Variants in SHISA9 observed in about 807,000 individuals in gnomAD.
The protein encoded by SHISA9 is protein shisa-9.
SHISA9 carries 13 observed loss-of-function variants against 38.0 expected under a neutral mutation model. The observed-to-expected ratio is 0.34, with a 90% confidence interval of 0.22 to 0.54. SHISA9 has a LOEUF of 0.54. Among genes scored for constraint, SHISA9 ranks in the 20% least tolerant of loss-of-function variants. The pLI is 0.91. For missense variants in SHISA9, 538 were observed against 575.8 expected, an observed-to-expected ratio of 0.93 and a Z score of 0.67; for synonymous variants, 275 against 242.0, an observed-to-expected ratio of 1.14 and a Z score of -1.27.
chr16:13,002,851 G>A (rs921534258), intron 2 of SHISA9, among the ~76,000 whole-genome samples: 6 of 152,084 alleles, frequency 3.9e-5, no homozygotes, highest in South Asian at 4.1e-4. Context: ...TCTTCATGGC[G>A]CTTGCTGGAG....
chr16:12,981,872 G>A (rs931172218), intron 2 of SHISA9, among the ~76,000 whole-genome samples: 8 of 152,192 alleles, frequency 5.3e-5, no homozygotes, highest in Admixed American at 1.3e-4. Flanking sequence ...AGATAATGGA[G>A]AAAAGGTGGC....
intron 2 of SHISA9, among the ~76,000 whole-genome samples, chr16:13,049,447 G>C (rs907314326): frequency 2.6e-5 from 4 of 152,058 alleles, no homozygotes; most frequent in South Asian, 2.1e-4. Context: ...GTTTGAAATG[G>C]GGATTCATCA....
the SHISA9 span, among the ~76,000 whole-genome samples, chr16:13,290,773 T>G: frequency 6.6e-6 from 1 of 152,098 alleles, no homozygotes; most frequent in African/African-American, 2.4e-5. Context: ...AATCAGAGAC[T>G]CTTAGAACTG....
At chr16:13,152,586 T>C (rs2050508979) in intron 2 of SHISA9, among the ~76,000 whole-genome samples, 1 of 152,204 alleles carries the variant, frequency 6.6e-6, no homozygotes, top group African/African-American at 2.4e-5. Flanking sequence ...TTTTCCATTA[T>C]TGGGTCACTC....
At chr16:12,939,508 A>C (rs537293135) in intron 2 of SHISA9, among the ~76,000 whole-genome samples, 1 of 152,312 alleles carries the variant, frequency 6.6e-6, no homozygotes, top group Non-Finnish European at 1.5e-5. Context: ...TTTGAATGGA[A>C]TCCTGCAGTT....
intron 2 of SHISA9, among the ~76,000 whole-genome samples, chr16:13,167,063 CTCTTTTTTCTT>C (rs1385288884): frequency 8.3e-6 from 1 of 119,924 alleles, no homozygotes; most frequent in African/African-American, 3.3e-5. Context: ...CTCTCTCTCT[CTCTTTTTTCTT>C]TTTTTTTTTT....
the SHISA9 span, among the ~76,000 whole-genome samples, chr16:13,339,384 C>G: frequency 0.05 from 7,578 of 152,076 alleles, 624 homozygotes; most frequent in African/African-American, 0.17. Flanking sequence ...ATAGCAAAGG[C>G]TCTGAGATTA....
the SHISA9 span, among the ~76,000 whole-genome samples, chr16:13,281,102 G>T: frequency 6.6e-6 from 1 of 151,608 alleles, no homozygotes; most frequent in Admixed American, 6.6e-5. Context: ...CTTAATTCTC[G>T]TTTTTAAAAA....
intron 2 of SHISA9, among the ~76,000 whole-genome samples, chr16:12,918,231 A>G (rs1036758159): frequency 1.3e-5 from 2 of 152,194 alleles, no homozygotes; most frequent in Non-Finnish European, 2.9e-5. Flanking sequence ...CTGACACGGC[A>G]GTTGCTGTGT....
chr16:13,551,056 G>A, the SHISA9 span, among the ~76,000 whole-genome samples: 5 of 151,734 alleles, frequency 3.3e-5, no homozygotes, highest in East Asian at 7.8e-4. Context: ...CCTGGGAGGC[G>A]GAGGTTGCAG....
intron 2 of SHISA9, among the ~76,000 whole-genome samples, chr16:13,019,144 C>T (rs923984631): frequency 2.0e-5 from 3 of 152,116 alleles, no homozygotes; most frequent in Non-Finnish European, 4.4e-5. Flanking sequence ...GAATTATGGG[C>T]ACTCACCACC....
chr16:13,080,654 T>C (rs894715559), intron 2 of SHISA9, among the ~76,000 whole-genome samples: 35 of 152,224 alleles, frequency 2.3e-4, no homozygotes, highest in Middle Eastern at 3.2e-3. Flanking sequence ...TTTTCTTTAG[T>C]TATCATTTAC....
chr16:13,081,592 C>T (rs2073650286), intron 2 of SHISA9, among the ~76,000 whole-genome samples: 2 of 152,150 alleles, frequency 1.3e-5, no homozygotes, highest in Non-Finnish European at 2.9e-5. Context: ...CCTCCTCCAC[C>T]CGTGATTCCA....
In SHISA9 at chr16:13,071,898, A is replaced by G. The variant is rs2073523309; in HGVS notation, c.692-131496A>G. 4.6e-5 allele frequency among the ~76,000 whole-genome samples: 7 copies of G among 151,760 alleles called. No homozygotes were observed. The South Asian group carries it at 1.5e-3, about 32-fold the overall frequency. ...TGAGCTCAAGTAACCTGCCTGCTTT[A>G]GGCTCCCAAAGTGCTGGAATTATAG... On this transcript the variant is annotated intron_variant, in intron 2 of 4. Transcript: ENST00000558583.
chr16:13,127,974 C>A (rs1397554715), intron 2 of SHISA9, among the ~76,000 whole-genome samples: 3 of 152,180 alleles, frequency 2.0e-5, no homozygotes, highest in Non-Finnish European at 4.4e-5. Context: ...TTATTAGATG[C>A]TTTTCTCTGG....
Position 12,948,807 on chromosome 16 carries a change from C to T in SHISA9, c.691+31992C>T, listed in dbSNP as rs145980499. On this transcript the variant is annotated intron_variant, in intron 2 of 4. Coordinates refer to ENST00000558583, the MANE Select transcript of SHISA9 (RefSeq NM_001145204.3). ...TGGGACACAGATATTCAGACCATAG[C>T]AATATCCTTCTAGGATTTAAAAAAT... Among the ~76,000 whole-genome samples, 30 of 152,266 alleles carry T rather than the reference C, an allele frequency of 2.0e-4. No individual in the cohort carries two copies. In the East Asian group the frequency reaches 5.6e-3, roughly 28 times the overall value.
At chr16:13,535,552 G>A in the SHISA9 span, among the ~76,000 whole-genome samples, 1 of 152,158 alleles carries the variant, frequency 6.6e-6, no homozygotes, top group African/African-American at 2.4e-5. Context: ...CTACAGCTGT[G>A]TTTATGCTAT....
At chr16:13,476,738 G>GTTTTTTTTTTGTTT in the SHISA9 span, among the ~76,000 whole-genome samples, 2 of 65,182 alleles carry the variant, frequency 3.1e-5, 1 homozygote, top group African/African-American at 1.1e-4. Flanking sequence ...CCTGTTTTGT[G>GTTTTTTTTTTGTTT]TTTTTTTTTT....
the SHISA9 span, among the ~76,000 whole-genome samples, chr16:13,387,869 C>T: frequency 2.8e-3 from 431 of 152,142 alleles, 1 homozygote; most frequent in Non-Finnish European, 4.9e-3. Flanking sequence ...CTCAGTAGTT[C>T]TCCACCATTG....
Sources: gnomAD v4.1 joint callset for allele counts (sites outside exome capture counted in the v4.1 genomes callset) on GRCh38, gnomAD v4.1.1 for gene constraint, MANE v1.5 for transcripts, NCBI Gene and HGNC (gene_info 2026-07-23, HGNC 2026-07-21) for gene names.